Variants in PDLIM7 observed in about 807,000 individuals in gnomAD.
The protein encoded by PDLIM7 is PDZ and LIM domain protein 7.
PDLIM7 carries 37 observed loss-of-function variants against 53.9 expected under a neutral mutation model. The ratio of observed to expected loss-of-function variants is 0.69; its 90% CI spans 0.53 to 0.90. The LOEUF is 0.90. PDLIM7 is among the 40% of genes least tolerant of loss of function. The pLI is 0.00. For missense variants in PDLIM7, 617 were observed against 638.5 expected (o/e 0.97, Z 0.36); for synonymous variants, 300 against 261.3 (o/e 1.15, Z -1.43).
chr5:177,486,931 C>CTTTTT lies in PDLIM7; in HGVS notation c.1050+1132_1050+1136dup, dbSNP rs60583245. Among the ~76,000 whole-genome samples, 22 of 48,726 alleles carry CTTTTT rather than the reference C, an allele frequency of 4.5e-4. 1 individual carries two copies. Among genetic ancestry groups the CTTTTT allele is most frequent in the African/African-American group, 1.5e-3 (22 of 14,618 alleles). The allele number at this position is 48,726 out of a possible 152,430, so 32.0% of individuals were successfully genotyped here. A position where few individuals can be genotyped will look rare whatever the true frequency, so the allele number is the denominator to read the frequency against. On this transcript the variant is annotated intron_variant, in intron 10 of 12. Coordinates refer to ENST00000355841, the MANE Select transcript of PDLIM7 (RefSeq NM_005451.5). ...CAGGTGTGAGCCACCGTGCCTGGCC[C>CTTTTT]TTTTTTTTTTTTTTTTTTTTTTTTT... is the stretch of plus-strand genomic sequence containing the variant.
At chr5:177,491,537 G>T in intron 5 of PDLIM7, 1 of 853,440 alleles carries the variant, frequency 1.2e-6, no homozygotes, top group Non-Finnish European at 1.9e-6. Context: ...GAGTGTCTGG[G>T]GCTCAGCTGG....
At chr5:177,491,288 G>A (rs1487224946) in intron 5 of PDLIM7, 142 bp from the exon 6 acceptor site, 7 of 1,434,104 alleles carry the variant, frequency 4.9e-6, no homozygotes, top group African/African-American at 1.4e-5. Flanking sequence ...TGCTGGGCGG[G>A]TAGGTGAGAG....
chr5:177,496,419 G>C lies in PDLIM7; in HGVS notation c.94C>G (p.Arg32Gly). 2 of 1,590,458 alleles carry C rather than the reference G, an allele frequency of 1.3e-6. No individual in the cohort carries two copies. The highest frequency in any genetic ancestry group is 1.7e-6 in the Non-Finnish European group (2 of 1,168,238). Reference sequence around the variant, plus strand: ...CCCCTCCCCAAACCTAGGCTCACCCGGGAAATGGAGAGGGGCACATTGAAG... The same window carrying C: ...CCCCTCCCCAAACCTAGGCTCACCCCGGAAATGGAGAGGGGCACATTGAAG... ...KDFNVPLSIS[R>G]LTPGGKAAQA... is the part of the protein sequence containing the mutation. The change falls in exon 2 of 13, where the codon CGG becomes GGG. Residue 32 changes from arginine to glycine, a missense_variant and splice_region_variant. Arg to Gly is a moderately radical substitution (Grantham distance 125). Transcript: ENST00000355841.
intron 10 of PDLIM7, among the ~76,000 whole-genome samples, chr5:177,487,407 AT>A (rs1202534790): frequency 1.3e-5 from 2 of 152,250 alleles, no homozygotes; most frequent in Non-Finnish European, 2.9e-5. Flanking sequence ...GATGGACGCC[AT>A]GGGGCTCTGT....
At chr5:177,490,226 T>C (rs749439081) in intron 7 of PDLIM7, 29 of 1,447,792 alleles carry the variant, frequency 2.0e-5, no homozygotes, top group East Asian at 2.5e-5. Flanking sequence ...TCCACAAAGA[T>C]AGAAGACAGG....
At chr5:177,494,126 G>A (rs908048156) in intron 2 of PDLIM7, among the ~76,000 whole-genome samples, 4 of 152,220 alleles carry the variant, frequency 2.6e-5, no homozygotes, top group African/African-American at 9.7e-5. Flanking sequence ...TATTGACACT[G>A]AATCTTCCAA....
At position 177,483,651 on chromosome 5, in the gene PDLIM7, T is replaced by C; in HGVS notation, c.1367A>G (p.His456Arg). The C allele has an allele frequency of 6.2e-7, 1 of 1,608,398 alleles. No homozygotes were observed. The highest frequency in any genetic ancestry group is 8.5e-7 in the Non-Finnish European group (1 of 1,175,258). ...RPLCKSHAFS[H>R]V ...GCTGTGGGCAGAAGGGGCTCACACATGAGAGAAGGCATGGCTCTTGCAGAG... is the reference window on the plus strand; with the variant it reads ...GCTGTGGGCAGAAGGGGCTCACACACGAGAGAAGGCATGGCTCTTGCAGAG... The change falls in exon 13 of 13, where the codon CAT becomes CGT. Residue 456 changes from histidine (H) to arginine (R), a missense_variant. His to Arg is a conservative substitution (Grantham distance 29). Coordinates refer to ENST00000355841, the MANE Select transcript of PDLIM7 (RefSeq NM_005451.5).
At chr5:177,486,678 G>C (rs370231703) in intron 10 of PDLIM7, among the ~76,000 whole-genome samples, 3 of 151,948 alleles carry the variant, frequency 2.0e-5, no homozygotes, top group South Asian at 2.1e-4. Flanking sequence ...TCGCTCTGTC[G>C]CCCAGGCTGG....
chr5:177,497,085 A>T (rs915661586), intron 1 of PDLIM7, among the ~76,000 whole-genome samples: 1 of 146,638 alleles, frequency 6.8e-6, no homozygotes, highest in Non-Finnish European at 1.5e-5. Context: ...TTCCGGGACC[A>T]GTCGAGGCTG....
intron 10 of PDLIM7, among the ~76,000 whole-genome samples, chr5:177,485,232 T>G (rs1017391755): frequency 2.0e-5 from 3 of 152,214 alleles, no homozygotes; most frequent in African/African-American, 4.8e-5. Flanking sequence ...AGCTGATCTA[T>G]CCCCACAGTG....
intron 10 of PDLIM7, among the ~76,000 whole-genome samples, chr5:177,485,363 G>A (rs1758387138): frequency 2.6e-5 from 4 of 152,170 alleles, no homozygotes; most frequent in Admixed American, 2.6e-4. Flanking sequence ...GGCCAGCCGG[G>A]GCCAGCCAGG....
Position 177,491,730 on chromosome 5 carries a change from T to C in PDLIM7, c.398+77A>G, listed in dbSNP as rs1349594017. On this transcript the variant is annotated intron_variant, in intron 5 of 12. Transcript: ENST00000355841. ...CGCCGGGCTGGGGCGCAGCACAGAC[T>C]GAGCAGCAGCGGGCAGCGGGCGTGG... is the stretch of plus-strand genomic sequence containing the variant. 9.1e-6 allele frequency: 7 copies of C among 769,612 alleles called. No individual in the cohort carries two copies. In the East Asian group the frequency reaches 2.1e-4, roughly 23 times the overall value. The allele number at this position is 769,612 out of a possible 1,614,324, so 47.7% of individuals were successfully genotyped here. A position where few individuals can be genotyped will look rare whatever the true frequency, so the allele number is the denominator to read the frequency against.
intron 2 of PDLIM7, 34 bp downstream of exon 2, chr5:177,496,382 CG>C: frequency 6.7e-7 from 1 of 1,483,726 alleles, no homozygotes; most frequent in African/African-American, 1.4e-5. Flanking sequence ...ACCGAAAGAC[CG>C]CTGGGGGAGC....
intron 7 of PDLIM7, chr5:177,490,429 G>C: frequency 6.6e-7 from 1 of 1,524,094 alleles, no homozygotes; most frequent in Non-Finnish European, 8.8e-7. Context: ...GAGGCACTAA[G>C]GGGGTGCCCT....
rs541995040 is a variant in PDLIM7, at chr5:177,491,363, A to G, written c.399-217T>C. On this transcript the variant is annotated intron_variant, in intron 5 of 12. Transcript: ENST00000355841. ...GGAGGGGCCGCCACCCAGAGTGCCA[A>G]AAGGAAGAAGAAAGGCACAGGCAGA... is the stretch of plus-strand genomic sequence containing the variant. 5 of 1,551,748 alleles carry G rather than the reference A, an allele frequency of 3.2e-6. No homozygotes were observed. The East Asian group carries it at 1.2e-4, about 38-fold the overall frequency.
At chr5:177,490,334 A>G in intron 7 of PDLIM7, 1 of 1,449,668 alleles carries the variant, frequency 6.9e-7, no homozygotes, top group Non-Finnish European at 9.0e-7. Context: ...GCAGTGTCAG[A>G]TGAACCCAGG....
intron 7 of PDLIM7, 130 bp from the exon 8 acceptor site, chr5:177,489,962 C>T (rs1758662927): frequency 3.9e-6 from 6 of 1,536,336 alleles, no homozygotes; most frequent in African/African-American, 1.4e-5. Flanking sequence ...GATTCCAGGT[C>T]CCACTGGGGT....
intron 2 of PDLIM7, among the ~76,000 whole-genome samples, chr5:177,493,995 G>C (rs900184880): frequency 6.6e-6 from 1 of 152,154 alleles, no homozygotes; most frequent in Non-Finnish European, 1.5e-5. Flanking sequence ...AAGGCGAGCT[G>C]GGCTCAACAT....
At chr5:177,485,265 G>T (rs534280273) in intron 10 of PDLIM7, among the ~76,000 whole-genome samples, 5 of 152,330 alleles carry the variant, frequency 3.3e-5, no homozygotes, top group African/African-American at 1.2e-4. Flanking sequence ...TGGGTGAGTC[G>T]ACTGGCCTCC....
Sources: gnomAD v4.1 joint callset for allele counts (sites outside exome capture counted in the v4.1 genomes callset) on GRCh38, gnomAD v4.1.1 for gene constraint, MANE v1.5 for transcripts, NCBI Gene and HGNC (gene_info 2026-07-23, HGNC 2026-07-21) for gene names.